Variants in PTPN6 observed in about 807,000 individuals in gnomAD.
The protein encoded by PTPN6 is tyrosine-protein phosphatase non-receptor type 6.
Under a neutral mutation model 81.5 loss-of-function variants are expected in PTPN6, and 18 were observed. That is an observed-to-expected ratio of 0.22 (90% confidence interval 0.15 to 0.33). PTPN6 has a LOEUF of 0.33. Ranked by LOEUF, PTPN6 falls within the 10% of genes least tolerant of loss-of-function variation. PTPN6 has a pLI of 1.00. For synonymous variants in PTPN6, 301 were observed against 310.9 expected, an observed-to-expected ratio of 0.97 and a Z score of 0.33; for missense variants, 500 against 794.2, an observed-to-expected ratio of 0.63 and a Z score of 4.45.
At position 6,961,269 on chromosome 12, in the gene PTPN6, C is replaced by T. The variant is rs1311041581; in HGVS notation, c.*169C>T. Reference sequence around the variant, plus strand: ...GTATATAGCCCAGCCAGGCCCCAGGCAGGGCCAACCCTTCTCCTCTTGTAA... The same window carrying T: ...GTATATAGCCCAGCCAGGCCCCAGGTAGGGCCAACCCTTCTCCTCTTGTAA... On this transcript the variant is annotated 3_prime_UTR_variant, in exon 16 of 16. Transcript: ENST00000318974. The T allele has an allele frequency of 5.6e-6, 2 of 359,948 alleles. No homozygotes were observed. The highest frequency in any genetic ancestry group is 1.1e-5 in the Non-Finnish European group (2 of 184,678). The allele number at this position is 359,948 out of a possible 1,614,324, so 22.3% of individuals were successfully genotyped here. A position where few individuals can be genotyped will look rare whatever the true frequency, so the allele number is the denominator to read the frequency against.
intron 11 of PTPN6, 99 bp downstream of exon 11, chr12:6,958,172 T>C: frequency 2.7e-6 from 4 of 1,488,422 alleles, no homozygotes; most frequent in Admixed American, 1.8e-5. Context: ...AGCTCGCACA[T>C]TGAGTGCCCT....
rs781874625 is a variant in PTPN6 at position 6,957,677 on chromosome 12, C to T, written c.1098C>T (p.Pro366=). The T allele has an allele frequency of 1.8e-5, 29 of 1,613,776 alleles. No individual in the cohort carries two copies. Among genetic ancestry groups the T allele is most frequent in the South Asian group, 1.2e-4 (11 of 91,040 alleles). The part of the protein sequence containing the change: ...KGRNKCVPYW[P]EVGMQRAYGP... ...AGAACAAATGCGTCCCATACTGGCC[C>T]GAGGTGGGCATGCAGCGTGCTTATG... The change falls in exon 10 of 16, where the codon CCC becomes CCT. Residue 366 remains proline, a synonymous_variant. Coordinates refer to ENST00000318974, the MANE Select transcript of PTPN6 (RefSeq NM_002831.6). This position sits in a 1 kb window ranked among gnomAD's most constrained non-coding sequence, Gnocchi z 6.5.
chr12:6,952,307 G>A lies in PTPN6; in HGVS notation c.326+130G>A, dbSNP rs1369928792. 4 of 1,081,940 alleles carry A rather than the reference G, an allele frequency of 3.7e-6. No homozygotes were observed. The highest frequency in any genetic ancestry group is 4.1e-6 in the Non-Finnish European group (3 of 729,352). The allele number at this position is 1,081,940 out of a possible 1,614,324, so 67.0% of individuals were successfully genotyped here. ...ATCCCCTCCCCTCCCTGCACCAGCT[G>A]GGGCTCTCAATGTCCCTCCTCCCTG... On this transcript the variant is annotated intron_variant, in intron 3 of 15. Transcript: ENST00000318974. This position sits in a 1 kb window ranked among gnomAD's most constrained non-coding sequence, Gnocchi z 8.1.
Position 6,952,471 on chromosome 12 carries a change from A to G in PTPN6, c.326+294A>G. On this transcript the variant is annotated intron_variant, in intron 3 of 15. Coordinates refer to ENST00000318974, the MANE Select transcript of PTPN6 (RefSeq NM_002831.6). The surrounding 1 kb of genome is among the most constrained non-coding windows in gnomAD (Gnocchi z 8.1). ...AGGTCCCACTGGAGACAGGGAGGCC[A>G]CTGCTGGTGGCCAGCATGTCGTGCA... 2 of 511,692 alleles carry G rather than the reference A, an allele frequency of 3.9e-6. No individual in the cohort carries two copies. Among genetic ancestry groups the G allele is most frequent in the Non-Finnish European group, 7.1e-6 (2 of 280,530 alleles). 31.7% of individuals were successfully genotyped at this position (511,692 alleles called of 1,614,324 possible).
upstream of PTPN6, among the ~76,000 whole-genome samples, chr12:6,948,728 C>T (rs1454687150): frequency 6.6e-6 from 1 of 151,736 alleles, no homozygotes; most frequent in Non-Finnish European, 1.5e-5. Flanking sequence ...ATCACGAGGT[C>T]AGGAGTTCAA....
In PTPN6 at chr12:6,957,980, C is replaced by T. The variant is rs1946061989; in HGVS notation, c.1268C>T (p.Pro423Leu). 2 of 1,613,664 alleles carry T rather than the reference C, an allele frequency of 1.2e-6. No homozygotes were observed. Among genetic ancestry groups the T allele is most frequent in the Admixed American group, 1.7e-5 (1 of 60,006 alleles). ...QYLSWPDHGV[P>L]SEPGGVLSFL... Reference sequence around the variant, plus strand: ...CTGAGCTGGCCCGACCATGGGGTCCCCAGTGAGCCTGGGGGTGTCCTCAGC... The same window carrying T: ...CTGAGCTGGCCCGACCATGGGGTCCTCAGTGAGCCTGGGGGTGTCCTCAGC... Residue 423 changes from proline to leucine, a missense_variant, in exon 11 of 16, where the codon CCC becomes CTC. By Grantham distance (98) the Pro-to-Leu change is moderately conservative. Around this residue, in one of 6 missense-constraint regions of PTPN6, gnomAD observed 226 missense variants for 364.4 expected, o/e 0.62. Transcript: ENST00000318974. This position sits in a 1 kb window ranked among gnomAD's most constrained non-coding sequence, Gnocchi z 6.5.
chr12:6,948,493 G>C (rs1453076463), upstream of PTPN6, among the ~76,000 whole-genome samples: 1 of 133,278 alleles, frequency 7.5e-6, no homozygotes, highest in Non-Finnish European at 1.6e-5. Context: ...AAGAAAAAGA[G>C]AAAGAAGGAA....
chr12:6,948,044 G>C (rs1846693893), upstream of PTPN6, among the ~76,000 whole-genome samples: 1 of 152,024 alleles, frequency 6.6e-6, no homozygotes, highest in African/African-American at 2.4e-5. Context: ...CCAGCACTTT[G>C]GGAGGCCGAA....
chr12:6,959,500 A>C lies in PTPN6; in HGVS notation c.1362-427A>C. On this transcript the variant is annotated intron_variant, in intron 11 of 15. Transcript: ENST00000318974. This position sits in a 1 kb window ranked among gnomAD's most constrained non-coding sequence, Gnocchi z 6.6. ...TCAGGGCTATCCTTTCCCTGACGTC[A>C]GGGTTTGAAGGAAAAGGGAAGTGAA... 3.4e-6 allele frequency: 1 copy of C among 295,758 alleles called. No homozygotes were observed. Among genetic ancestry groups the C allele is most frequent in the Non-Finnish European group, 6.6e-6 (1 of 151,314 alleles). 18.3% of individuals were successfully genotyped at this position (295,758 alleles called of 1,614,324 possible). A position where few individuals can be genotyped will look rare whatever the true frequency, so the allele number is the denominator to read the frequency against.
rs1336752673 is a variant in PTPN6, at chr12:6,954,348, G to A, written c.327-457G>A. ...GCTGGGGCACAGTCCCATCCTTCAC[G>A]GAGATTCATCCTTAGCTTCTCTCCT... On this transcript the variant is annotated intron_variant, in intron 3 of 15. Coordinates refer to ENST00000318974, the MANE Select transcript of PTPN6 (RefSeq NM_002831.6). The surrounding 1 kb of genome is among the most constrained non-coding windows in gnomAD (Gnocchi z 5.4). 1.3e-5 allele frequency among the ~76,000 whole-genome samples: 2 copies of A among 152,156 alleles called. No homozygotes were observed. The highest frequency in any genetic ancestry group is 2.9e-5 in the Non-Finnish European group (2 of 68,024).
chr12:6,951,751 C>T lies in PTPN6; in HGVS notation c.131+20C>T, dbSNP rs781916207. On this transcript the variant is annotated intron_variant, in intron 2 of 15. Coordinates refer to ENST00000318974, the MANE Select transcript of PTPN6 (RefSeq NM_002831.6). The surrounding 1 kb of genome is among the most constrained non-coding windows in gnomAD (Gnocchi z 7.2). ...CGTCAGGTAGGTGGGCCCCCCGCAA[C>T]CCCGGGCATTTTGGCCACTCTCTTG... 2 of 1,609,558 alleles carry T rather than the reference C, an allele frequency of 1.2e-6. No homozygotes were observed. Among genetic ancestry groups the T allele is most frequent in the South Asian group, 2.2e-5 (2 of 91,062 alleles).
At chr12:6,950,257 A>T (rs1270445523), upstream of PTPN6, among the ~76,000 whole-genome samples, 1 of 151,990 alleles carries the variant, frequency 6.6e-6, no homozygotes. Flanking sequence ...TGTCTCCCCC[A>T]GCCCTGTCCT....
Position 6,951,842 on chromosome 12 carries a change from C to T in PTPN6, c.131+111C>T. The T allele has an allele frequency of 2.5e-6, 4 of 1,583,258 alleles. No homozygotes were observed. The highest frequency in any genetic ancestry group is 3.4e-6 in the Non-Finnish European group (4 of 1,163,050). ...GGCAGTGCTGACTCCCCGTCTGTTCCCTTGCCCCCAACCCCCACACTCCCC... is the reference window on the plus strand; with the variant it reads ...GGCAGTGCTGACTCCCCGTCTGTTCTCTTGCCCCCAACCCCCACACTCCCC... On this transcript the variant is annotated intron_variant, in intron 2 of 15. Coordinates refer to ENST00000318974, the MANE Select transcript of PTPN6 (RefSeq NM_002831.6). The surrounding 1 kb of genome is among the most constrained non-coding windows in gnomAD (Gnocchi z 7.2).
In PTPN6 at chr12:6,952,410, C is replaced by G; in HGVS notation, c.326+233C>G. The G allele has an allele frequency of 1.7e-6, 1 of 596,176 alleles. No individual in the cohort carries two copies. Among genetic ancestry groups the G allele is most frequent in the South Asian group, 2.0e-5 (1 of 50,696 alleles). 36.9% of individuals were successfully genotyped at this position (596,176 alleles called of 1,614,324 possible). A position where few individuals can be genotyped will look rare whatever the true frequency, so the allele number is the denominator to read the frequency against. ...CCCCGAGGAAGCCACAGAAAGCTGC[C>G]TCGCCCTACTCCGGGAGCCCTGGCC... On this transcript the variant is annotated intron_variant, in intron 3 of 15. Coordinates refer to ENST00000318974, the MANE Select transcript of PTPN6 (RefSeq NM_002831.6). The surrounding 1 kb of genome is among the most constrained non-coding windows in gnomAD (Gnocchi z 8.1).
At chr12:6,948,338 AG>A (rs1337428596), upstream of PTPN6, among the ~76,000 whole-genome samples, 1 of 150,378 alleles carries the variant, frequency 6.6e-6, no homozygotes, top group Non-Finnish European at 1.5e-5. Context: ...TGGAAGGCTG[AG>A]GCAGGAGGAT....
At chr12:6,947,272 G>A (rs1056493256), upstream of PTPN6, among the ~76,000 whole-genome samples, 4 of 152,198 alleles carry the variant, frequency 2.6e-5, no homozygotes, top group Non-Finnish European at 5.9e-5. Context: ...AGACAGACAT[G>A]GTCTCTGCTC....
chr12:6,953,898 C>T (rs781891288), intron 3 of PTPN6, among the ~76,000 whole-genome samples: 8 of 152,098 alleles, frequency 5.3e-5, no homozygotes, highest in Non-Finnish European at 1.0e-4. Context: ...CCCATCCCTG[C>T]GGTTGGAAAA....
Position 6,951,686 on chromosome 12 carries a change from C to A in PTPN6, c.86C>A (p.Ala29Asp). Residue 29 changes from alanine to aspartate, a missense_variant, in exon 2 of 16, where the codon GCT (alanine) becomes GAT (aspartate). Coordinates refer to ENST00000318974, the MANE Select transcript of PTPN6 (RefSeq NM_002831.6). This position sits in a 1 kb window ranked among gnomAD's most constrained non-coding sequence, Gnocchi z 7.2. The part of the protein sequence containing the change: ...KGRGVHGSFL[A>D]RPSRKNQGDF... ...CGAGGTGTCCACGGTAGCTTCCTGG[C>A]TCGGCCCAGTCGCAAGAACCAGGGT... The A allele has an allele frequency of 6.2e-7, 1 of 1,613,682 alleles. No individual in the cohort carries two copies. Among genetic ancestry groups the A allele is most frequent in the Non-Finnish European group, 8.5e-7 (1 of 1,179,974 alleles).
At position 6,954,901 on chromosome 12, in the gene PTPN6, G is replaced by A; in HGVS notation, c.423G>A (p.Gln141=). 6.2e-7 allele frequency: 1 copy of A among 1,614,244 alleles called. No homozygotes were observed. The highest frequency in any genetic ancestry group is 8.5e-7 in the Non-Finnish European group (1 of 1,180,054). ...TTCTTGTGCGTGAGAGCCTCAGCCA[G>A]CCTGGAGACTTCGTGCTTTCTGTGC... ...WTFLVRESLS[Q]PGDFVLSVLS... The change falls in exon 4 of 16, where the codon CAG becomes CAA. Residue 141 remains glutamine, a synonymous_variant. Coordinates refer to ENST00000318974, the MANE Select transcript of PTPN6 (RefSeq NM_002831.6). This position sits in a 1 kb window ranked among gnomAD's most constrained non-coding sequence, Gnocchi z 5.4.
Sources: allele counts gnomAD v4.1 joint callset (sites outside exome capture counted in the v4.1 genomes callset), GRCh38; gene constraint gnomAD v4.1.1; regional missense constraint gnomAD v4.1.1; non-coding constraint Gnocchi (gnomAD v3.1); transcripts MANE v1.5; gene names NCBI Gene and HGNC (gene_info 2026-07-23, HGNC 2026-07-21).